The following RBMS3 variants were observed in gnomAD, a reference collection of about 807,000 sequenced individuals.
RBMS3 encodes RNA-binding motif, single-stranded-interacting protein 3.
Under a neutral mutation model 66.8 loss-of-function variants are expected in RBMS3, and 27 were observed. The ratio of observed to expected loss-of-function variants is 0.40; its 90% CI spans 0.30 to 0.56. The LOEUF (loss-of-function observed/expected upper bound fraction) is 0.56. RBMS3 is among the 20% of genes least tolerant of loss of function. RBMS3 has a pLI of 0.40. For missense variants in RBMS3, 513 were observed against 549.5 expected, an observed-to-expected ratio of 0.93 and a Z score of 0.66; for synonymous variants, 188 against 183.0, an observed-to-expected ratio of 1.03 and a Z score of -0.22.
intron 6 of RBMS3, among the ~76,000 whole-genome samples, chr3:29,860,921 A>ATGCAGTGAGCTCTCT (rs1433617945): frequency 6.6e-6 from 1 of 152,096 alleles, no homozygotes; most frequent in Non-Finnish European, 1.5e-5. Context: ...CCAGGCTGGA[A>ATGCAGTGAGCTCTCT]TGCAGTGAGC....
intron 4 of RBMS3, among the ~76,000 whole-genome samples, chr3:29,610,392 C>T (rs2048454615): frequency 6.6e-6 from 1 of 152,014 alleles, no homozygotes; most frequent in South Asian, 2.1e-4. Flanking sequence ...CCTCTGTTAC[C>T]CACCTTGATG....
chr3:29,624,039 A>G (rs1189927479), intron 4 of RBMS3, among the ~76,000 whole-genome samples: 2 of 152,216 alleles, frequency 1.3e-5, no homozygotes, highest in Non-Finnish European at 2.9e-5. Flanking sequence ...ATTTAACCCT[A>G]ACATCCCAGG....
chr3:29,956,839 A>G (rs1310941771), intron 12 of RBMS3, among the ~76,000 whole-genome samples: 1 of 152,088 alleles, frequency 6.6e-6, no homozygotes, highest in East Asian at 1.9e-4. Context: ...CTTTCAGGAC[A>G]TAATCCTCAG....
intron 1 of RBMS3, 131 bp from the exon 2 acceptor site, chr3:29,434,612 T>A: frequency 7.9e-7 from 1 of 1,258,516 alleles, no homozygotes; most frequent in East Asian, 2.4e-5. Flanking sequence ...AGTAGTGATA[T>A]AAATGTGTGT....
chr3:29,836,263 T>A (rs1272936043), intron 6 of RBMS3, among the ~76,000 whole-genome samples: 1 of 152,122 alleles, frequency 6.6e-6, no homozygotes, highest in Non-Finnish European at 1.5e-5. Context: ...AAACTCATTT[T>A]ACTAGGCTGG....
chr3:29,781,162 G>A (rs1576786033), intron 6 of RBMS3, among the ~76,000 whole-genome samples: 1 of 132,294 alleles, frequency 7.6e-6, no homozygotes, highest in East Asian at 2.2e-4. Context: ...TCCCCATTGT[G>A]TTCTTATAAT....
At chr3:29,456,358 C>A (rs1266990987) in intron 2 of RBMS3, among the ~76,000 whole-genome samples, 3 of 152,060 alleles carry the variant, frequency 2.0e-5, no homozygotes, top group Non-Finnish European at 4.4e-5. Context: ...CCATATTATA[C>A]TAAAAATAAA....
At chr3:29,610,995 C>T (rs1379524) in intron 4 of RBMS3, among the ~76,000 whole-genome samples, 46,861 of 151,728 alleles carry the variant, frequency 0.31, 8,328 homozygotes, top group African/African-American at 0.49. Context: ...GCAGACATGT[C>T]TTATTTCCTG....
intron 4 of RBMS3, among the ~76,000 whole-genome samples, chr3:29,714,268 C>T (rs553163800): frequency 6.8e-6 from 1 of 146,960 alleles, no homozygotes; most frequent in African/African-American, 2.5e-5. Context: ...TTAATGAGTA[C>T]TTTAATTTGA....
intron 3 of RBMS3, among the ~76,000 whole-genome samples, chr3:29,571,834 A>G (rs1278000370): frequency 3.3e-5 from 5 of 152,134 alleles, no homozygotes; most frequent in Admixed American, 2.0e-4. Context: ...ATTGATAGGG[A>G]CTGCATTGAA....
At chr3:29,650,670 A>G (rs1371146255) in intron 4 of RBMS3, among the ~76,000 whole-genome samples, 1 of 152,176 alleles carries the variant, frequency 6.6e-6, no homozygotes, top group East Asian at 1.9e-4. Context: ...GTGCCTGACA[A>G]GGTACTTGCC....
At chr3:29,710,207 G>A (rs918566051) in intron 4 of RBMS3, among the ~76,000 whole-genome samples, 1 of 152,166 alleles carries the variant, frequency 6.6e-6, no homozygotes, top group African/African-American at 2.4e-5. Flanking sequence ...TTTGTGAATA[G>A]AAAGAACCAG....
intron 3 of RBMS3, among the ~76,000 whole-genome samples, chr3:29,524,969 G>T (rs1245651078): frequency 6.6e-6 from 1 of 152,024 alleles, no homozygotes; most frequent in Non-Finnish European, 1.5e-5. Context: ...AGGCAGGATT[G>T]CTTGAGCCCA....
chr3:29,332,131 G>A (rs1004946066), intron 1 of RBMS3, among the ~76,000 whole-genome samples: 5 of 152,004 alleles, frequency 3.3e-5, no homozygotes, highest in African/African-American at 4.8e-5. Context: ...ATTTTGATTA[G>A]CCTCTTCTGT....
At chr3:29,349,809 T>G (rs2036797476) in intron 1 of RBMS3, among the ~76,000 whole-genome samples, 1 of 152,218 alleles carries the variant, frequency 6.6e-6, no homozygotes, top group African/African-American at 2.4e-5. Flanking sequence ...CCTTCAGAAC[T>G]AATTTTTTGT....
chr3:29,905,168 A>G (rs1241350353), intron 10 of RBMS3, among the ~76,000 whole-genome samples: 1 of 152,076 alleles, frequency 6.6e-6, no homozygotes, highest in East Asian at 1.9e-4. Context: ...AAGCATCCAT[A>G]GACAATACAT....
chr3:29,753,924 C>A (rs190843008), intron 5 of RBMS3, among the ~76,000 whole-genome samples: 1 of 151,840 alleles, frequency 6.6e-6, no homozygotes, highest in African/African-American at 2.4e-5. Flanking sequence ...ATTTTTTCCC[C>A]GACCAAAATT....
chr3:29,431,763 T>C (rs926246565), intron 1 of RBMS3, among the ~76,000 whole-genome samples: 6 of 152,052 alleles, frequency 3.9e-5, no homozygotes, highest in Non-Finnish European at 7.4e-5. Context: ...TCTTGCTCTG[T>C]TGCCCAGGCT....
chr3:29,367,942 C>G (rs918838630), intron 1 of RBMS3, among the ~76,000 whole-genome samples: 1 of 151,924 alleles, frequency 6.6e-6, no homozygotes, highest in African/African-American at 2.4e-5. Context: ...TCAAACATCC[C>G]TAAGAAAAAA....
Sources: gnomAD v4.1 joint callset for allele counts (sites outside exome capture counted in the v4.1 genomes callset) on GRCh38, gnomAD v4.1.1 for gene constraint, MANE v1.5 for transcripts, NCBI Gene and HGNC (gene_info 2026-07-23, HGNC 2026-07-21) for gene names.